OPRL1: variants seen among roughly 807,000 people sequenced by gnomAD.
The protein encoded by OPRL1 is nociceptin receptor.
A neutral mutation model predicts 15.5 loss-of-function variants in OPRL1; 5 were observed. The observed-to-expected ratio is 0.32, with a 90% CI of 0.17 to 0.68. The LOEUF is 0.68. Among genes scored for constraint, OPRL1 ranks in the 30% least tolerant of loss-of-function variants. The pLI, the probability that OPRL1 is intolerant of heterozygous loss-of-function variation, is 0.72. For synonymous variants in OPRL1, 223 were observed against 230.2 expected (o/e 0.97, Z 0.28); for missense variants, 406 against 515.3 (o/e 0.79, Z 2.05).
chr20:64,083,607 GA>G lies in OPRL1; in HGVS notation c.-185+3256del. 1 of 1,481,280 alleles carries G rather than the reference GA, an allele frequency of 6.8e-7. No homozygotes were observed. The highest frequency in any genetic ancestry group is 9.0e-7 in the Non-Finnish European group (1 of 1,116,990). 91.8% of individuals were successfully genotyped at this position (1,481,280 alleles called of 1,614,324 possible). On this transcript the variant is annotated intron_variant, in intron 1 of 4. Coordinates refer to ENST00000336866, the MANE Select transcript of OPRL1 (RefSeq NM_182647.4). This position sits in a 1 kb window ranked among gnomAD's most constrained non-coding sequence, Gnocchi z 4.9. The stretch of plus-strand genomic sequence containing the variant: ...CCTCTTGGCGGTCCAGGGGGTCCGG[GA>G]TCCGCGCGGGCTTCAGCTGCGGCGG...
chr20:64,086,760 A>G (rs2060055292), intron 1 of OPRL1, among the ~76,000 whole-genome samples: 1 of 152,182 alleles, frequency 6.6e-6, no homozygotes, highest in African/African-American at 2.4e-5. Context: ...CACTTTTTTA[A>G]TAGCACAAAT....
In OPRL1 at chr20:64,083,441, C is replaced by T. The variant is rs1337649636; in HGVS notation, c.-185+3089C>T. ...CGCACACTCTCAGTCGCCGTCACCG[C>T]GGGAAGATGGTGCCATCCACGTTCT... On this transcript the variant is annotated intron_variant, in intron 1 of 4. Coordinates refer to ENST00000336866, the MANE Select transcript of OPRL1 (RefSeq NM_182647.4). This position sits in a 1 kb window ranked among gnomAD's most constrained non-coding sequence, Gnocchi z 4.9. The T allele has an allele frequency of 1.2e-6, 2 of 1,610,860 alleles. No homozygotes were observed. Among genetic ancestry groups the T allele is most frequent in the African/African-American group, 2.7e-5 (2 of 74,822 alleles).
intron 1 of OPRL1, chr20:64,084,328 G>C (rs898334786): frequency 4.5e-5 from 58 of 1,290,232 alleles, no homozygotes; most frequent in Non-Finnish European, 5.3e-5. Context: ...CCCGCCCGCT[G>C]GGCTCTCCGC....
intron 1 of OPRL1, chr20:64,084,418 G>A: frequency 7.9e-7 from 1 of 1,263,170 alleles, no homozygotes; most frequent in Non-Finnish European, 1.0e-6. Context: ...GTCCCCAGCA[G>A]CTCTGCCATC....
chr20:64,096,963 G>C (rs200429299), intron 3 of OPRL1, among the ~76,000 whole-genome samples: 1 of 76 alleles, frequency 0.013, no homozygotes, highest in Non-Finnish European at 0.036. Flanking sequence ...TCATCATCAC[G>C]ACCATCACCA....
In OPRL1 at chr20:64,100,147, G is replaced by A. The variant is rs893400811; in HGVS notation, c.*1348G>A. 18 of 152,272 alleles carry A rather than the reference G, an allele frequency of 1.2e-4. No homozygotes were observed. The highest frequency in any genetic ancestry group is 4.3e-4 in the African/African-American group (18 of 41,536). The allele number at this position is 152,272 out of a possible 1,614,324, so 9.4% of individuals were successfully genotyped here. On this transcript the variant is annotated 3_prime_UTR_variant, in exon 5 of 5. Transcript: ENST00000336866. ...TCTGTACCTCAGGGGATGCCCCGCT[G>A]TGGTCACCCAGAGAATCACCCTTCC...
chr20:64,084,388 T>A (rs1236602088), intron 1 of OPRL1: 3 of 1,273,226 alleles, frequency 2.4e-6, no homozygotes, highest in Non-Finnish European at 3.0e-6. Context: ...GCCCAGGCGC[T>A]CTCCCTCTCC....
Position 64,083,080 on chromosome 20 carries a change from C to T in OPRL1, c.-185+2728C>T, listed in dbSNP as rs959652383. ...GAGACCACTGCAGCCTGAGGCTACC[C>T]TTACATCTGGGGGTGACTTCTGCTG... On this transcript the variant is annotated intron_variant, in intron 1 of 4. Coordinates refer to ENST00000336866, the MANE Select transcript of OPRL1 (RefSeq NM_182647.4). The surrounding 1 kb of genome is among the most constrained non-coding windows in gnomAD (Gnocchi z 4.9). Among the ~76,000 whole-genome samples, 2 of 152,170 alleles carry T rather than the reference C, an allele frequency of 1.3e-5. No homozygotes were observed. The highest frequency in any genetic ancestry group is 2.1e-4 in the South Asian group (1 of 4,834).
chr20:64,080,833 G>A (rs1388965399), intron 1 of OPRL1, among the ~76,000 whole-genome samples: 3 of 152,128 alleles, frequency 2.0e-5, no homozygotes, highest in African/African-American at 7.2e-5. Context: ...TCCCAGTGTC[G>A]GGATCTGTTC....
At chr20:64,084,144 G>C (rs1054074948) in intron 1 of OPRL1, 1 of 1,459,638 alleles carries the variant, frequency 6.9e-7, no homozygotes, top group African/African-American at 1.5e-5. Flanking sequence ...TCCTCACCCT[G>C]CGCCGTGCCT....
chr20:64,084,255 G>A, intron 1 of OPRL1: 1 of 1,351,462 alleles, frequency 7.4e-7, no homozygotes, highest in Non-Finnish European at 9.5e-7. Context: ...GCGTCCCGTC[G>A]GTGCCGGGGC....
rs778516357 is a variant in OPRL1 at position 64,083,395 on chromosome 20, A to C, written c.-185+3043A>C. The C allele has an allele frequency of 6.2e-6, 10 of 1,611,130 alleles. No homozygotes were observed. The South Asian group carries it at 1.1e-4, about 18-fold the overall frequency. ...CGAGCCTTCGGAGAATTATAACTTT[A>C]TGTGGGAGGCTGGGGCGCGTCGCAC... is the stretch of plus-strand genomic sequence containing the variant. On this transcript the variant is annotated intron_variant, in intron 1 of 4. Transcript: ENST00000336866. This position sits in a 1 kb window ranked among gnomAD's most constrained non-coding sequence, Gnocchi z 4.9.
chr20:64,089,298 C>G lies in OPRL1; in HGVS notation c.-184-2668C>G, dbSNP rs2060097515. 6.6e-6 allele frequency among the ~76,000 whole-genome samples: 1 copy of G among 152,046 alleles called. No homozygotes were observed. Among genetic ancestry groups the G allele is most frequent in the Admixed American group, 6.5e-5 (1 of 15,276 alleles). ...GCCTTCTGCTGGACCCTGAACGGCT[C>G]CCACAGAGGGAGTTGAGGTCTCTAT... On this transcript the variant is annotated intron_variant, in intron 1 of 4. Coordinates refer to ENST00000336866, the MANE Select transcript of OPRL1 (RefSeq NM_182647.4). The surrounding 1 kb of genome is among the most constrained non-coding windows in gnomAD (Gnocchi z 5.5).
At chr20:64,092,998 T>A in intron 3 of OPRL1, 45 bp downstream of exon 3, 2 of 1,542,116 alleles carry the variant, frequency 1.3e-6, no homozygotes, top group Non-Finnish European at 1.8e-6. Context: ...CCCACACGGC[T>A]GCAGAGGGGG....
At chr20:64,082,950 G>A (rs1259610405) in intron 1 of OPRL1, among the ~76,000 whole-genome samples, 2 of 152,066 alleles carry the variant, frequency 1.3e-5, no homozygotes, top group East Asian at 3.9e-4. Flanking sequence ...CAGTCTCTTG[G>A]TCCTCTTGGG....
chr20:64,083,822 A>C lies in OPRL1; in HGVS notation c.-185+3470A>C. Reference sequence around the variant, plus strand: ...CCTCCGACCCCCTCGCCTCACCCGCATGCGGGTGTAGCGCAGCCGCAGGGC... The same window carrying C: ...CCTCCGACCCCCTCGCCTCACCCGCCTGCGGGTGTAGCGCAGCCGCAGGGC... On this transcript the variant is annotated intron_variant, in intron 1 of 4. Transcript: ENST00000336866. This position sits in a 1 kb window ranked among gnomAD's most constrained non-coding sequence, Gnocchi z 4.9. 4 of 1,361,894 alleles carry C rather than the reference A, an allele frequency of 2.9e-6. No individual in the cohort carries two copies. Among genetic ancestry groups the C allele is most frequent in the Non-Finnish European group, 3.8e-6 (4 of 1,063,852 alleles). 84.4% of individuals were successfully genotyped at this position (1,361,894 alleles called of 1,614,324 possible). A position where few individuals can be genotyped will look rare whatever the true frequency, so the allele number is the denominator to read the frequency against.
Position 64,098,439 on chromosome 20 carries a change from C to A in OPRL1, c.753C>A (p.Ser251=). 1.2e-6 allele frequency: 2 copies of A among 1,613,504 alleles called. No homozygotes were observed. Among genetic ancestry groups the A allele is most frequent in the Admixed American group, 1.7e-5 (1 of 60,026 alleles). Residue 251 remains serine (S), a synonymous_variant, in exon 5 of 5, where the codon TCC becomes TCA. Transcript: ENST00000336866. ...GTGGAGTCCGCCTGCTCTCGGGCTC[C>A]CGAGAGAAGGACCGGAACCTGCGGC... ...RLRGVRLLSG[S]REKDRNLRRI... is the part of the protein sequence containing the mutation.
chr20:64,084,225 C>G, intron 1 of OPRL1: 1 of 1,389,132 alleles, frequency 7.2e-7, no homozygotes, highest in South Asian at 1.6e-5. Context: ...GGCATCCTCC[C>G]GCCCTGCGGA....
chr20:64,089,876 T>A lies in OPRL1; in HGVS notation c.-184-2090T>A, dbSNP rs1436084591. ...GGCTCAGGAAGCTCGGGTAGGAGGGTCTAGGGTCTCCTGCTCAGACGTTGG... is the reference window on the plus strand; with the variant it reads ...GGCTCAGGAAGCTCGGGTAGGAGGGACTAGGGTCTCCTGCTCAGACGTTGG... On this transcript the variant is annotated intron_variant, in intron 1 of 4. Coordinates refer to ENST00000336866, the MANE Select transcript of OPRL1 (RefSeq NM_182647.4). The surrounding 1 kb of genome is among the most constrained non-coding windows in gnomAD (Gnocchi z 5.5). Among the ~76,000 whole-genome samples, 1 of 151,964 alleles carries A rather than the reference T, an allele frequency of 6.6e-6. No homozygotes were observed. The highest frequency in any genetic ancestry group is 1.5e-5 in the Non-Finnish European group (1 of 67,982).
Sources: gnomAD v4.1 joint callset for allele counts (sites outside exome capture counted in the v4.1 genomes callset) on GRCh38, gnomAD v4.1.1 for gene constraint, Gnocchi (gnomAD v3.1) non-coding constraint, MANE v1.5 for transcripts, NCBI Gene and HGNC (gene_info 2026-07-23, HGNC 2026-07-21) for gene names.